The following WDR26 variants were observed in gnomAD, a reference collection of about 807,000 sequenced individuals.
WDR26 encodes WD repeat domain 26.
WDR26 carries 5 observed loss-of-function variants against 84.1 expected under a neutral mutation model. The observed-to-expected ratio is 0.06, with a 90% CI of 0.03 to 0.13. The LOEUF (loss-of-function observed/expected upper bound fraction) is 0.13. Among genes scored for constraint, WDR26 ranks in the 10% least tolerant of loss-of-function variants. The pLI, the probability that WDR26 is intolerant of heterozygous loss-of-function variation, is 1.00. For missense variants in WDR26, 642 were observed against 974.9 expected, an observed-to-expected ratio of 0.66 and a Z score of 4.55; for synonymous variants, 415 against 389.6, an observed-to-expected ratio of 1.07 and a Z score of -0.77.
intron 3 of WDR26, among the ~76,000 whole-genome samples, chr1:224,427,278 C>T (rs1321012753): frequency 2.0e-5 from 3 of 151,628 alleles, no homozygotes; most frequent in South Asian, 2.1e-4. Flanking sequence ...AATTGAGGGG[C>T]TTAAAAAAAA....
intron 7 of WDR26, among the ~76,000 whole-genome samples, chr1:224,407,511 A>ATT (rs1198678359): frequency 3.5e-5 from 5 of 141,654 alleles, no homozygotes; most frequent in Admixed American, 1.4e-4. Context: ...ACATATATAA[A>ATT]TTTTTTTTTT....
chr1:224,414,147 C>T (rs1428917806), intron 6 of WDR26, among the ~76,000 whole-genome samples: 1 of 144,336 alleles, frequency 6.9e-6, no homozygotes, highest in Non-Finnish European at 1.5e-5. Flanking sequence ...CGCTTGTTGC[C>T]CAGGCTGGAA....
chr1:224,405,813 G>A (rs1015418546), intron 7 of WDR26, among the ~76,000 whole-genome samples: 2 of 152,176 alleles, frequency 1.3e-5, no homozygotes, highest in Non-Finnish European at 2.9e-5. Context: ...CATGTTTGTT[G>A]TAGGCTAAGG....
At chr1:224,415,319 C>T (rs1572193030) in intron 6 of WDR26, among the ~76,000 whole-genome samples, 2 of 151,768 alleles carry the variant, frequency 1.3e-5, no homozygotes, top group East Asian at 1.9e-4. Context: ...TACTTGAGAA[C>T]CCAAATTGTG....
intron 8 of WDR26, among the ~76,000 whole-genome samples, chr1:224,403,841 G>A (rs1201861885): frequency 1.3e-5 from 2 of 152,156 alleles, no homozygotes; most frequent in African/African-American, 4.8e-5. Context: ...GGAGGCTGAG[G>A]CAGGAGAATC....
chr1:224,404,771 C>G (rs1673508455), intron 7 of WDR26, among the ~76,000 whole-genome samples: 1 of 152,138 alleles, frequency 6.6e-6, no homozygotes, highest in South Asian at 2.1e-4. Context: ...CACTATTAGG[C>G]ATCTACTATA....
At chr1:224,395,553 C>T (rs12118341) in intron 12 of WDR26, among the ~76,000 whole-genome samples, 1 of 150,254 alleles carries the variant, frequency 6.7e-6, no homozygotes, top group African/African-American at 2.5e-5. Flanking sequence ...TTAGAAGTAT[C>T]TGCTGCTCAA....
In WDR26 at chr1:224,418,359, T is replaced by A; in HGVS notation, c.1220A>T (p.Gln407Leu). 2 of 1,613,784 alleles carry A rather than the reference T, an allele frequency of 1.2e-6. No individual in the cohort carries two copies. Among genetic ancestry groups the A allele is most frequent in the Non-Finnish European group, 1.7e-6 (2 of 1,179,798 alleles). Residue 407 changes from glutamine to leucine, a missense_variant, in exon 6 of 14, where the codon CAG becomes CTG. Gln to Leu is a moderately radical substitution (Grantham distance 113, BLOSUM62 -2). Transcript: ENST00000414423. Reference sequence around the variant, plus strand: ...CCGATCCCTTTGTAGTTCCACCGCCTGCCGCAGGAGAGTCTGTAAACGCCG... The same window carrying A: ...CCGATCCCTTTGTAGTTCCACCGCCAGCCGCAGGAGAGTCTGTAAACGCCG...
intron 7 of WDR26, among the ~76,000 whole-genome samples, chr1:224,405,145 G>A (rs1673517999): frequency 1.3e-5 from 2 of 152,070 alleles, no homozygotes; most frequent in African/African-American, 4.8e-5. Context: ...CTATAGATTT[G>A]CCTATTCTGG....
intron 13 of WDR26, among the ~76,000 whole-genome samples, chr1:224,390,172 G>A (rs1429576376): frequency 1.3e-5 from 2 of 152,102 alleles, no homozygotes; most frequent in Non-Finnish European, 2.9e-5. Flanking sequence ...TGCTGCTCAG[G>A]CTGGTGATGT....
intron 6 of WDR26, among the ~76,000 whole-genome samples, chr1:224,417,881 T>TA: frequency 6.6e-6 from 1 of 152,204 alleles, no homozygotes; most frequent in Non-Finnish European, 1.5e-5. Context: ...CATAAGTTAA[T>TA]AGCTGTTGTT....
chr1:224,413,259 G>A, intron 6 of WDR26: 1 of 1,192,094 alleles, frequency 8.4e-7, no homozygotes, highest in Non-Finnish European at 1.1e-6. Context: ...ACACCTTTAA[G>A]TGTATCTTGA....
Position 224,434,729 on chromosome 1 carries a change from G to T in WDR26, c.-324C>A. 1.0e-6 allele frequency: 1 copy of T among 984,288 alleles called. No homozygotes were observed. The highest frequency in any genetic ancestry group is 1.2e-6 in the Non-Finnish European group (1 of 828,946). The allele number at this position is 984,288 out of a possible 1,614,324, so 61.0% of individuals were successfully genotyped here. The stretch of plus-strand genomic sequence containing the variant: ...GCGGGCGGCAGCGGAGGCAGCTGCC[G>T]CCTCTGTCCTCGGATCCGCTCCGCT... On this transcript the variant is annotated 5_prime_UTR_variant, in exon 1 of 14. Coordinates refer to ENST00000414423, the MANE Select transcript of WDR26 (RefSeq NM_001379403.1).
chr1:224,388,565 C>G lies in WDR26; in HGVS notation c.*1270G>C, dbSNP rs1184345222. ...GAGAGGGAAAGACTATCCACAGCACCAGTTTAGAATGAGGTTCAGTATGGC... is the reference window on the plus strand; with the variant it reads ...GAGAGGGAAAGACTATCCACAGCACGAGTTTAGAATGAGGTTCAGTATGGC... On this transcript the variant is annotated 3_prime_UTR_variant, in exon 14 of 14. Coordinates refer to ENST00000414423, the MANE Select transcript of WDR26 (RefSeq NM_001379403.1). 1 of 152,382 alleles carries G rather than the reference C, an allele frequency of 6.6e-6. No homozygotes were observed. Among genetic ancestry groups the G allele is most frequent in the Non-Finnish European group, 1.5e-5 (1 of 67,980 alleles). The allele number at this position is 152,382 out of a possible 1,614,324, so 9.4% of individuals were successfully genotyped here. A position where few individuals can be genotyped will look rare whatever the true frequency, so the allele number is the denominator to read the frequency against.
chr1:224,415,539 C>T (rs1673875864), intron 6 of WDR26, among the ~76,000 whole-genome samples: 1 of 139,842 alleles, frequency 7.2e-6, no homozygotes, highest in Admixed American at 8.0e-5. Flanking sequence ...CTGCTCACTG[C>T]AACCTCTGCC....
At chr1:224,417,632 A>C (rs980395624) in intron 6 of WDR26, among the ~76,000 whole-genome samples, 1 of 152,216 alleles carries the variant, frequency 6.6e-6, no homozygotes, top group Non-Finnish European at 1.5e-5. Context: ...CTTGAGCCTA[A>C]GGCTATATAG....
intron 4 of WDR26, among the ~76,000 whole-genome samples, chr1:224,421,324 G>A (rs188727059): frequency 8.8e-4 from 134 of 152,298 alleles, no homozygotes; most frequent in Non-Finnish European, 1.6e-4. Context: ...TAATCAGCAC[G>A]CCTGTAATCC....
intron 12 of WDR26, among the ~76,000 whole-genome samples, chr1:224,395,666 C>T (rs1007529886): frequency 6.6e-6 from 1 of 150,612 alleles, no homozygotes; most frequent in Non-Finnish European, 1.5e-5. Flanking sequence ...CTGAAGAGGT[C>T]CACAAGGAGA....
intron 3 of WDR26, 93 bp downstream of exon 3, chr1:224,431,384 G>A: frequency 9.2e-7 from 1 of 1,085,702 alleles, no homozygotes; most frequent in Non-Finnish European, 1.4e-6. Context: ...CTACTTTTAG[G>A]CCTTATTTTT....
Sources: allele counts gnomAD v4.1 joint callset (sites outside exome capture counted in the v4.1 genomes callset), GRCh38; gene constraint gnomAD v4.1.1; transcripts MANE v1.5; gene names NCBI Gene and HGNC (gene_info 2026-07-23, HGNC 2026-07-21).